The following NCOR1 variants were observed in gnomAD, a reference collection of about 807,000 sequenced individuals.
NCOR1 encodes protein phosphatase 1, regulatory subunit 109.
In NCOR1, 63 loss-of-function variants were observed where a neutral mutation model predicts 288.1. That is an observed-to-expected ratio of 0.22 (90% CI 0.18 to 0.27). The LOEUF is 0.27. Among genes scored for constraint, NCOR1 ranks in the 10% least tolerant of loss-of-function variants. The pLI is 1.00. For synonymous variants in NCOR1, 1,007 were observed against 1,065.9 expected (o/e 0.94, Z 1.08); for missense variants, 2,397 against 3,019.2 (o/e 0.79, Z 4.83).
At chr17:16,051,602 A>G (rs921607062) in intron 40 of NCOR1, among the ~76,000 whole-genome samples, 1 of 152,180 alleles carries the variant, frequency 6.6e-6, no homozygotes, top group African/African-American at 2.4e-5. Flanking sequence ...TCCCAAAGCT[A>G]GCAGAAGACA....
At chr17:16,212,749 A>G (rs773627991) in intron 1 of NCOR1, among the ~76,000 whole-genome samples, 22 of 152,124 alleles carry the variant, frequency 1.4e-4, no homozygotes, top group Non-Finnish European at 2.6e-4. Context: ...AGAAAAGAAA[A>G]TTTCACCAAT....
chr17:16,199,994 A>G (rs2090542181), intron 1 of NCOR1, among the ~76,000 whole-genome samples: 1 of 152,144 alleles, frequency 6.6e-6, no homozygotes. Context: ...TTCCTTTTTA[A>G]ATCCTCTCAT....
chr17:16,204,464 TA>T (rs1286804400), intron 1 of NCOR1, among the ~76,000 whole-genome samples: 4 of 151,992 alleles, frequency 2.6e-5, no homozygotes, highest in African/African-American at 4.8e-5. Context: ...GGCATGCAGT[TA>T]AAAAGTCTTC....
At chr17:16,133,802 A>C (rs1315220138) in intron 14 of NCOR1, among the ~76,000 whole-genome samples, 1 of 152,214 alleles carries the variant, frequency 6.6e-6, no homozygotes, top group African/African-American at 2.4e-5. Flanking sequence ...CTGTCACAGC[A>C]AATGGCAACT....
intron 26 of NCOR1, among the ~76,000 whole-genome samples, chr17:16,077,352 G>GCA (rs1470120669): frequency 6.6e-6 from 1 of 150,438 alleles, no homozygotes; most frequent in East Asian, 2.0e-4. Context: ...AGCTGAGATG[G>GCA]CACCACTGCA....
intron 15 of NCOR1, among the ~76,000 whole-genome samples, chr17:16,121,984 A>C (rs1333009808): frequency 6.6e-6 from 1 of 152,192 alleles, no homozygotes; most frequent in Non-Finnish European, 1.5e-5. Context: ...ATTTCATGGG[A>C]CTGTTGCCAG....
chr17:16,123,684 G>A (rs1220038110), intron 15 of NCOR1, among the ~76,000 whole-genome samples: 1 of 152,114 alleles, frequency 6.6e-6, no homozygotes, highest in East Asian at 1.9e-4. Flanking sequence ...AGCTATTCAT[G>A]TGATTCCCTC....
chr17:16,143,212 C>T (rs1456540461), intron 11 of NCOR1, among the ~76,000 whole-genome samples: 1 of 152,198 alleles, frequency 6.6e-6, no homozygotes, highest in Non-Finnish European at 1.5e-5. Context: ...CCAGCTTACT[C>T]CTCTAACCTA....
intron 1 of NCOR1, among the ~76,000 whole-genome samples, chr17:16,212,452 A>C (rs2092224556): frequency 6.6e-6 from 1 of 152,192 alleles, no homozygotes; most frequent in Non-Finnish European, 1.5e-5. Context: ...TCTACAAATA[A>C]GACTATACAC....
At chr17:16,088,133 G>C (rs2064546412) in intron 22 of NCOR1, among the ~76,000 whole-genome samples, 1 of 152,006 alleles carries the variant, frequency 6.6e-6, no homozygotes, top group African/African-American at 2.4e-5. Context: ...TTACCTAGTT[G>C]TATCCATTTA....
chr17:16,045,259 G>C (rs1476944473), intron 42 of NCOR1, among the ~76,000 whole-genome samples: 4 of 152,162 alleles, frequency 2.6e-5, no homozygotes, highest in African/African-American at 9.7e-5. Flanking sequence ...TCCATCATTA[G>C]CAACATGGAC....
chr17:16,127,183 C>CTGTATGTATATATACA lies in NCOR1; in HGVS notation c.1510-993_1510-978dup, dbSNP rs1206057031. 4.2e-3 allele frequency among the ~76,000 whole-genome samples: 527 copies of CTGTATGTATATATACA among 125,700 alleles called. 57 individuals carry two copies. Among genetic ancestry groups the CTGTATGTATATATACA allele is most frequent in the African/African-American group, 0.019 (482 of 25,012 alleles). 82.5% of individuals were successfully genotyped at this position (125,700 alleles called of 152,430 possible). A position where few individuals can be genotyped will look rare whatever the true frequency, so the allele number is the denominator to read the frequency against. ...TGTATATATACATGTATGTATATAT[C>CTGTATGTATATATACA]TGTATGTATATATACATGTATGTAT... On this transcript the variant is annotated intron_variant, in intron 14 of 45. Transcript: ENST00000268712.
At chr17:16,034,724 A>AAAT in intron 45 of NCOR1, 41 bp downstream of exon 45, 2 of 1,520,800 alleles carry the variant, frequency 1.3e-6, no homozygotes, top group Non-Finnish European at 1.8e-6. Flanking sequence ...CATTGATATT[A>AAAT]TTGCTCTGTC....
intron 1 of NCOR1, among the ~76,000 whole-genome samples, chr17:16,210,616 T>C (rs1027632411): frequency 2.0e-5 from 3 of 152,154 alleles, no homozygotes; most frequent in African/African-American, 7.2e-5. Flanking sequence ...CATAGATCAG[T>C]ATCAATTTTT....
chr17:16,134,094 C>A (rs1014577994), intron 14 of NCOR1, among the ~76,000 whole-genome samples: 1 of 152,200 alleles, frequency 6.6e-6, no homozygotes, highest in African/African-American at 2.4e-5. Context: ...TTGCTCAAAA[C>A]CCCAGTGGCT....
At chr17:16,148,844 A>G (rs1412713234) in intron 9 of NCOR1, among the ~76,000 whole-genome samples, 1 of 152,128 alleles carries the variant, frequency 6.6e-6, no homozygotes, top group African/African-American at 2.4e-5. Context: ...TTTGATGTCG[A>G]TTTAAAGAGT....
At chr17:16,071,753 G>T (rs941811757) in intron 29 of NCOR1, 88 bp from the exon 30 acceptor site, 3 of 1,203,480 alleles carry the variant, frequency 2.5e-6, no homozygotes, top group South Asian at 1.7e-5. Flanking sequence ...TGGTTAAAAT[G>T]GTAAATTTTG....
intron 18 of NCOR1, among the ~76,000 whole-genome samples, chr17:16,114,686 G>T (rs1019088776): frequency 1.3e-5 from 2 of 152,310 alleles, no homozygotes; most frequent in South Asian, 4.1e-4. Context: ...GCTCCAAAAT[G>T]ATCTCCTTTG....
Position 16,057,705 on chromosome 17 carries a change from T to G in NCOR1, c.6201A>C (p.Gln2067His), listed in dbSNP as rs761454542. The G allele has an allele frequency of 3.7e-6, 6 of 1,614,076 alleles. No individual in the cohort carries two copies. The highest frequency in any genetic ancestry group is 5.1e-6 in the Non-Finnish European group (6 of 1,179,988). The change falls in exon 40 of 46, where the codon CAA (glutamine) becomes CAC (histidine). Residue 2067 changes from glutamine to histidine, a missense_variant. By Grantham distance (24) the Gln-to-His change is conservative (BLOSUM62 0). This residue lies in a region of NCOR1 where 1,872 missense variants were observed against 2,187.8 expected (regional missense o/e 0.86). Transcript: ENST00000268712. ...QIITQDFARNQVSSQTPQQPP... is the reference protein window; with the variant it reads ...QIITQDFARNHVSSQTPQQPP... ...GCTGCTGGGGAGTCTGCGAGGAAACTTGATTTCTAGCAAAATCTTGTGTGA... is the reference window on the plus strand; with the variant it reads ...GCTGCTGGGGAGTCTGCGAGGAAACGTGATTTCTAGCAAAATCTTGTGTGA...
Sources: allele counts gnomAD v4.1 joint callset (sites outside exome capture counted in the v4.1 genomes callset), GRCh38; gene constraint gnomAD v4.1.1; regional missense constraint gnomAD v4.1.1; transcripts MANE v1.5; gene names NCBI Gene and HGNC (gene_info 2026-07-23, HGNC 2026-07-21).